Variants in UBXN11 observed in about 807,000 individuals in gnomAD.
UBXN11 encodes the protein UBX domain protein 11.
Under a neutral mutation model 62.8 loss-of-function variants are expected in UBXN11, and 47 were observed. That is an observed-to-expected ratio of 0.75 (90% CI 0.59 to 0.95). The LOEUF is 0.95. Ranked by LOEUF, UBXN11 falls within the 40% of genes least tolerant of loss-of-function variation. The pLI, the probability that UBXN11 is intolerant of heterozygous loss-of-function variation, is 0.00. For synonymous variants in UBXN11, 294 were observed against 267.0 expected (o/e 1.10, Z -0.99); for missense variants, 638 against 661.7 (o/e 0.96, Z 0.39).
At chr1:26,303,501 G>C (rs1236445670) in intron 1 of UBXN11, among the ~76,000 whole-genome samples, 1 of 151,980 alleles carries the variant, frequency 6.6e-6, no homozygotes, top group Non-Finnish European at 1.5e-5. Flanking sequence ...GCGTGCTCCT[G>C]TAGTCCCAGC....
At chr1:26,311,747 C>T (rs1169287805) in intron 1 of UBXN11, among the ~76,000 whole-genome samples, 1 of 152,146 alleles carries the variant, frequency 6.6e-6, no homozygotes, top group Admixed American at 6.6e-5. Context: ...AGCCACAAGT[C>T]TATTCTTGAG....
intron 1 of UBXN11, among the ~76,000 whole-genome samples, chr1:26,304,297 C>G (rs1026714707): frequency 2.0e-5 from 3 of 152,036 alleles, no homozygotes; most frequent in African/African-American, 7.3e-5. Context: ...TCTGTCCCCA[C>G]CCTGCCCCAG....
chr1:26,295,901 G>A (rs1266030103), intron 7 of UBXN11, among the ~76,000 whole-genome samples: 1 of 152,264 alleles, frequency 6.6e-6, no homozygotes, highest in Non-Finnish European at 1.5e-5. Flanking sequence ...ATAACTGTGT[G>A]GCGGAGACGC....
Position 26,294,179 on chromosome 1 carries a change from G to C in UBXN11, c.559+26C>G, listed in dbSNP as rs756315822. The C allele has an allele frequency of 2.5e-6, 4 of 1,612,672 alleles. No individual in the cohort carries two copies. In the South Asian group the frequency reaches 4.4e-5, roughly 18 times the overall value. ...CTGTTGGAGAATTCCTTTTGAAGAG[G>C]GCCTGGGGCAGACGCCCTGCTCTAC... On this transcript the variant is annotated intron_variant, in intron 8 of 14. Transcript: ENST00000374222.
Position 26,285,830 on chromosome 1 carries a change from G to C in UBXN11, c.767C>G (p.Ser256Cys), listed in dbSNP as rs764220088. The stretch of plus-strand genomic sequence containing the variant: ...CCCCAACACCGCTCCTACCTGTGTG[G>C]AGGGATCGTAGAAGGGCTGGAAGGG... ...DGPFQPFYDPSTQRCLRDILD... is the reference protein window; with the variant it reads ...DGPFQPFYDPCTQRCLRDILD... Residue 256 changes from serine to cysteine, a missense_variant, in exon 9 of 15, where the codon TCC (serine) becomes TGC (cysteine). Coordinates refer to ENST00000374222, the MANE Select transcript of UBXN11 (RefSeq NM_001389556.1). 2.5e-5 allele frequency: 40 copies of C among 1,605,258 alleles called. No individual in the cohort carries two copies. The highest frequency in any genetic ancestry group is 2.9e-5 in the Non-Finnish European group (34 of 1,173,118).
chr1:26,282,368 ACCGGGACCGGGACTGGGGCCGGGACCG>A lies in UBXN11; in HGVS notation c.1467_1493del (p.Gly490_Gly498del), dbSNP rs1557677528. The A allele has an allele frequency of 8.2e-6, 7 of 850,924 alleles. No homozygotes were observed. In the African/African-American group the frequency reaches 8.7e-5, roughly 11 times the overall value. 52.7% of individuals were successfully genotyped at this position (850,924 alleles called of 1,614,324 possible). On this transcript the variant is annotated inframe_deletion, in exon 15 of 15. Transcript: ENST00000374222. ...GACCGGGACCGGGACTGGGGCCGGG[ACCGGGACCGGGACTGGGGCCGGGACCG>A]GGACCGGGACAGGGACCAGGACTGA...
intron 8 of UBXN11, among the ~76,000 whole-genome samples, chr1:26,291,975 T>C (rs7513861): frequency 0.87 from 132,677 of 151,868 alleles, 58,930 homozygotes; most frequent in Non-Finnish European, 0.93. Flanking sequence ...CTGACTCCTC[T>C]GGTCCTCTCC....
At chr1:26,301,656 T>C (rs1442769764) in intron 3 of UBXN11, 38 bp downstream of exon 3, 1 of 1,611,734 alleles carries the variant, frequency 6.2e-7, no homozygotes, top group Non-Finnish European at 8.5e-7. Context: ...TGCAAGCACA[T>C]GAGAGGCGAA....
upstream of UBXN11, among the ~76,000 whole-genome samples, chr1:26,308,074 C>T (rs2124678596): frequency 6.6e-6 from 1 of 152,084 alleles, no homozygotes; most frequent in African/African-American, 2.4e-5. Context: ...CGAGACCAGC[C>T]TGACCAACAT....
intron 1 of UBXN11, among the ~76,000 whole-genome samples, chr1:26,313,750 T>C (rs1159951543): frequency 2.6e-5 from 4 of 151,870 alleles, no homozygotes; most frequent in African/African-American, 9.7e-5. Context: ...AGTTCTAGAA[T>C]TTCCATTTGG....
chr1:26,292,749 G>A (rs1232293361), intron 8 of UBXN11, among the ~76,000 whole-genome samples: 1 of 151,972 alleles, frequency 6.6e-6, no homozygotes, highest in Non-Finnish European at 1.5e-5. Context: ...AGCTACTCAG[G>A]AGGCTGAGGC....
chr1:26,285,408 G>A (rs750986410), intron 10 of UBXN11, 56 bp downstream of exon 10: 1 of 1,584,086 alleles, frequency 6.3e-7, no homozygotes. Flanking sequence ...GGGAGGCTGT[G>A]TATCCCCACT....
upstream of UBXN11, among the ~76,000 whole-genome samples, chr1:26,309,517 T>C (rs11247906): frequency 0.87 from 132,847 of 152,104 alleles, 58,983 homozygotes; most frequent in Non-Finnish European, 0.93. Flanking sequence ...GGATTACAGG[T>C]GTGAGCCACC....
At chr1:26,302,362 T>TTAAAA (rs1456692996) in intron 2 of UBXN11, among the ~76,000 whole-genome samples, 1 of 69,530 alleles carries the variant, frequency 1.4e-5, no homozygotes, top group Admixed American at 2.2e-4. Flanking sequence ...ACTTGGTCTT[T>TTAAAA]AAAAAAAAAA....
At chr1:26,284,743 A>T (rs918899103) in intron 10 of UBXN11, 1 of 1,254,910 alleles carries the variant, frequency 8.0e-7, no homozygotes. Context: ...CCCTCTCAGG[A>T]GCCTACCGTG....
chr1:26,285,760 A>T, intron 9 of UBXN11, 63 bp downstream of exon 9: 1 of 1,529,932 alleles, frequency 6.5e-7, no homozygotes. Context: ...TGGCTTCATC[A>T]TCCCCAACTA....
chr1:26,302,362 T>TTAAA (rs1456692996), intron 2 of UBXN11, among the ~76,000 whole-genome samples: 2 of 69,530 alleles, frequency 2.9e-5, no homozygotes, highest in Admixed American at 4.3e-4. Flanking sequence ...ACTTGGTCTT[T>TTAAA]AAAAAAAAAA....
At chr1:26,298,452 C>G (rs142075105) in intron 4 of UBXN11, among the ~76,000 whole-genome samples, 3 of 152,140 alleles carry the variant, frequency 2.0e-5, no homozygotes, top group African/African-American at 7.2e-5. Flanking sequence ...AAATACCCCA[C>G]GGGCAAACTG....
At chr1:26,300,659 C>T (rs1570124164) in intron 4 of UBXN11, among the ~76,000 whole-genome samples, 2 of 152,318 alleles carry the variant, frequency 1.3e-5, no homozygotes, top group Non-Finnish European at 2.9e-5. Context: ...GACCCTGAAT[C>T]CTGAGCCCAC....
Sources: gnomAD v4.1 joint callset for allele counts (sites outside exome capture counted in the v4.1 genomes callset) on GRCh38, gnomAD v4.1.1 for gene constraint, MANE v1.5 for transcripts, NCBI Gene and HGNC (gene_info 2026-07-23, HGNC 2026-07-21) for gene names.